The following GPT variants were observed in gnomAD, a reference collection of about 807,000 sequenced individuals.
The protein encoded by GPT is glutamic--pyruvic transaminase, also known as alanine aminotransferase 1.
A neutral mutation model predicts 51.4 loss-of-function variants in GPT; 60 were observed. The observed-to-expected ratio is 1.17, with a 90% CI of 0.95 to 1.45. The LOEUF is 1.45. Ranked by LOEUF, GPT falls within the 40% of genes most tolerant of loss-of-function variation. GPT has a pLI of 0.00. For synonymous variants in GPT, 397 were observed against 303.1 expected, an observed-to-expected ratio of 1.31 and a Z score of -3.22; for missense variants, 853 against 704.0, an observed-to-expected ratio of 1.21 and a Z score of -2.40.
chr8:144,507,028 G>A lies in GPT; in HGVS notation c.*28G>A, dbSNP rs372822089. On this transcript the variant is annotated 3_prime_UTR_variant, in exon 11 of 11. Transcript: ENST00000394955. Reference sequence around the variant, plus strand: ...ACCCCAGCTGGGGCCAGGCTGGGTCGCCCTGGACTGTGTGCTCAGGAGCCC... The same window carrying A: ...ACCCCAGCTGGGGCCAGGCTGGGTCACCCTGGACTGTGTGCTCAGGAGCCC... The A allele has an allele frequency of 2.3e-5, 34 of 1,451,072 alleles. No individual in the cohort carries two copies. The South Asian group carries it at 2.4e-4, about 10-fold the overall frequency. The allele number at this position is 1,451,072 out of a possible 1,614,324, so 89.9% of individuals were successfully genotyped here.
rs1564778586 is a variant in GPT, at chr8:144,506,302, CTGA to C, written c.1031_1033del (p.Met344del). ...TGCAGTGCAGCAGCAGATGCTGAAGCTGATGAGTGTGCGGCTGTGCCCGCCGGT... is the reference window on the plus strand; with the variant it reads ...TGCAGTGCAGCAGCAGATGCTGAAGCTGAGTGTGCGGCTGTGCCCGCCGGT... On this transcript the variant is annotated inframe_deletion, in exon 8 of 11. Coordinates refer to ENST00000394955, the MANE Select transcript of GPT (RefSeq NM_005309.3). This position sits in a 1 kb window ranked among gnomAD's most constrained non-coding sequence, Gnocchi z 7.0. The C allele has an allele frequency of 2.5e-6, 4 of 1,590,590 alleles. No homozygotes were observed. Among genetic ancestry groups the C allele is most frequent in the Non-Finnish European group, 3.4e-6 (4 of 1,171,460 alleles).
Position 144,506,501 on chromosome 8 carries a change from G to A in GPT, c.1132G>A (p.Glu378Lys), listed in dbSNP as rs1452225865. Reference sequence around the variant, plus strand: ...ATGGGCCCTCCCTCCGCGGCCACAGGAGAAGCAGGCAGTGCTGGCAGAGCT... The same window carrying A: ...ATGGGCCCTCCCTCCGCGGCCACAGAAGAAGCAGGCAGTGCTGGCAGAGCT... ...TDPSFAQFQAEKQAVLAELAA... is the reference protein window; with the variant it reads ...TDPSFAQFQAKKQAVLAELAA... The change falls in exon 9 of 11, where the codon GAG (glutamate) becomes AAG (lysine). Residue 378 changes from glutamate to lysine, a missense_variant and splice_region_variant. Transcript: ENST00000394955. The surrounding 1 kb of genome is among the most constrained non-coding windows in gnomAD (Gnocchi z 7.0). The A allele has an allele frequency of 6.3e-7, 1 of 1,596,744 alleles. No homozygotes were observed. The highest frequency in any genetic ancestry group is 2.3e-5 in the East Asian group (1 of 44,210).
Position 144,504,481 on chromosome 8 carries a change from C to T in GPT, c.162+15C>T, listed in dbSNP as rs1273747414. On this transcript the variant is annotated intron_variant, in intron 1 of 10. Transcript: ENST00000394955. ...AGCTGCGCCAGGTATGGCCCAGGGC[C>T]CCTCGCTGCCCTCCAGGTCACAATG... 1 of 1,606,966 alleles carries T rather than the reference C, an allele frequency of 6.2e-7. No individual in the cohort carries two copies. Among genetic ancestry groups the T allele is most frequent in the Admixed American group, 1.7e-5 (1 of 59,314 alleles).
In GPT at chr8:144,506,715, G is replaced by A. The variant is rs369157167; in HGVS notation, c.1288-16G>A. The A allele has an allele frequency of 6.2e-6, 10 of 1,608,914 alleles. No homozygotes were observed. Among genetic ancestry groups the A allele is most frequent in the East Asian group, 2.2e-5 (1 of 44,822 alleles). On this transcript the variant is annotated splice_polypyrimidine_tract_variant and intron_variant, in intron 9 of 10. Transcript: ENST00000394955. The surrounding 1 kb of genome is among the most constrained non-coding windows in gnomAD (Gnocchi z 7.0). ...GGGGGGCCGGGCATCCCTCTCTGACGGCTCTCCGTCCACAGGAGCTGGGCC... is the reference window on the plus strand; with the variant it reads ...GGGGGGCCGGGCATCCCTCTCTGACAGCTCTCCGTCCACAGGAGCTGGGCC...
In GPT at chr8:144,506,117, G is replaced by C. The variant is rs1177662807; in HGVS notation, c.942G>C (p.Lys314Asn). 2 of 1,612,130 alleles carry C rather than the reference G, an allele frequency of 1.2e-6. No individual in the cohort carries two copies. The highest frequency in any genetic ancestry group is 3.3e-5 in the Admixed American group (2 of 59,996). ...QELASFHSTSKGYMGECGFRG... is the reference protein window; with the variant it reads ...QELASFHSTSNGYMGECGFRG... ...TTGCCTCCTTCCACTCCACCTCCAA[G>C]GGCTACATGGGCGAGTGCGTGCGTA... Residue 314 changes from lysine (K) to asparagine (N), a missense_variant, in exon 7 of 11, where the codon AAG becomes AAC. By Grantham distance (94) the Lys-to-Asn change is moderately conservative. Coordinates refer to ENST00000394955, the MANE Select transcript of GPT (RefSeq NM_005309.3). This position sits in a 1 kb window ranked among gnomAD's most constrained non-coding sequence, Gnocchi z 7.0.
intron 2 of GPT, 30 bp downstream of exon 2, chr8:144,504,723 C>T (rs752377348): frequency 4.3e-6 from 7 of 1,612,236 alleles, no homozygotes; most frequent in Non-Finnish European, 5.9e-6. Flanking sequence ...CGGAGCACCC[C>T]CCCACCCCCA....
chr8:144,504,463 C>T lies in GPT; in HGVS notation c.159C>T (p.Arg53=). The change falls in exon 1 of 11, where the codon CGC becomes CGT. Residue 53 remains arginine, a synonymous_variant. Coordinates refer to ENST00000394955, the MANE Select transcript of GPT (RefSeq NM_005309.3). The part of the protein sequence containing the change: ...QRALELEQEL[R]QGVKKPFTEV... The stretch of plus-strand genomic sequence containing the variant: ...CCTTGGAGCTGGAGCAGGAGCTGCG[C>T]CAGGTATGGCCCAGGGCCCCTCGCT... 1 of 1,609,428 alleles carries T rather than the reference C, an allele frequency of 6.2e-7. No homozygotes were observed. The highest frequency in any genetic ancestry group is 8.5e-7 in the Non-Finnish European group (1 of 1,179,532).
Position 144,504,899 on chromosome 8 carries a change from G to A in GPT, c.361+20G>A, listed in dbSNP as rs1826708867. On this transcript the variant is annotated intron_variant, in intron 3 of 10. Coordinates refer to ENST00000394955, the MANE Select transcript of GPT (RefSeq NM_005309.3). ...GTCTGGGTGAGAGCCAGGGCCAGGA[G>A]GAAGCAGAGGGCCGCCCTGCCACTG... 6.2e-7 allele frequency: 1 copy of A among 1,612,840 alleles called. No individual in the cohort carries two copies. The highest frequency in any genetic ancestry group is 1.7e-5 in the Admixed American group (1 of 60,030).
chr8:144,504,543 G>C, intron 1 of GPT, 61 bp from the exon 2 acceptor site: 1 of 1,609,618 alleles, frequency 6.2e-7, no homozygotes, highest in Admixed American at 1.7e-5. Context: ...CTGGCACATG[G>C]GACAAGGGCT....
upstream of GPT, chr8:144,503,112 CAG>C (rs1382275714): frequency 1.3e-5 from 2 of 152,400 alleles, no homozygotes; most frequent in Non-Finnish European, 2.9e-5. Flanking sequence ...GGCAGCGGAA[CAG>C]AGACGTGCAC....
At position 144,505,031 on chromosome 8, in the gene GPT, TC is replaced by T. The variant is rs1475879652; in HGVS notation, c.397del (p.Arg133GlyfsTer33). On this transcript the variant is annotated frameshift_variant, in exon 4 of 11. Transcript: ENST00000394955. LOFTEE classifies it high-confidence loss of function. ...AGCGTCAGCTCCGGCATCCAGCTGATCCGGGAGGACGTGGCGCGGTACATTG... is the reference window on the plus strand; with the variant it reads ...AGCGTCAGCTCCGGCATCCAGCTGATCGGGAGGACGTGGCGCGGTACATTG... ...AYSVSSGIQL[I>X]REDVARYIER... The T allele has an allele frequency of 5.6e-6, 9 of 1,613,110 alleles. No homozygotes were observed. Among genetic ancestry groups the T allele is most frequent in the Admixed American group, 1.7e-5 (1 of 60,018 alleles).
chr8:144,505,967 G>T (rs751595181), intron 6 of GPT, 28 bp from the exon 7 acceptor site: 6 of 1,611,980 alleles, frequency 3.7e-6, no homozygotes, highest in Admixed American at 1.7e-5. Context: ...GCAACAGTCC[G>T]CCCCCGTGAC....
In GPT at chr8:144,506,854, G is replaced by T; in HGVS notation, c.1400+11G>T. The T allele has an allele frequency of 6.2e-7, 1 of 1,612,446 alleles. No individual in the cohort carries two copies. Among genetic ancestry groups the T allele is most frequent in the Non-Finnish European group, 8.5e-7 (1 of 1,179,602 alleles). The stretch of plus-strand genomic sequence containing the variant: ...CACCTACCACTTCCGGTGAGGCCTG[G>T]CCCTCACTCCCTGTCCCGCCACCCT... On this transcript the variant is annotated intron_variant, in intron 10 of 10. Transcript: ENST00000394955. This position sits in a 1 kb window ranked among gnomAD's most constrained non-coding sequence, Gnocchi z 7.0.
rs1478625469 is a variant in GPT at position 144,506,978 on chromosome 8, A to G, written c.1469A>G (p.Lys490Arg). 6.2e-7 allele frequency: 1 copy of G among 1,612,346 alleles called. No homozygotes were observed. The highest frequency in any genetic ancestry group is 8.5e-7 in the Non-Finnish European group (1 of 1,179,810). Residue 490 changes from lysine to arginine, a missense_variant, in exon 11 of 11, where the codon AAG (lysine) becomes AGG (arginine). Physicochemically the swap from Lys to Arg is conservative, Grantham distance 26 (BLOSUM62 2). Coordinates refer to ENST00000394955, the MANE Select transcript of GPT (RefSeq NM_005309.3). The surrounding 1 kb of genome is among the most constrained non-coding windows in gnomAD (Gnocchi z 7.0). ...LLEKLSRFHA[K>R]FTLEYS Reference sequence around the variant, plus strand: ...GAGAAGCTGAGCAGGTTCCATGCCAAGTTCACCCTCGAGTACTCCTGAGCA... The same window carrying G: ...GAGAAGCTGAGCAGGTTCCATGCCAGGTTCACCCTCGAGTACTCCTGAGCA...
chr8:144,506,052 C>T lies in GPT; in HGVS notation c.877C>T (p.Leu293Phe). 1 of 1,612,432 alleles carries T rather than the reference C, an allele frequency of 6.2e-7. No individual in the cohort carries two copies. The highest frequency in any genetic ancestry group is 8.5e-7 in the Non-Finnish European group (1 of 1,179,720). ...GSQFHSFKKVLMEMGPPYAGQ... is the reference protein window; with the variant it reads ...GSQFHSFKKVFMEMGPPYAGQ... ...GCAGTTCCACTCATTCAAGAAGGTG[C>T]TCATGGAGATGGGGCCGCCCTACGC... The change falls in exon 7 of 11, where the codon CTC (leucine) becomes TTC (phenylalanine). Residue 293 changes from leucine to phenylalanine, a missense_variant. Physicochemically the swap from Leu to Phe is conservative, Grantham distance 22 (BLOSUM62 0). Coordinates refer to ENST00000394955, the MANE Select transcript of GPT (RefSeq NM_005309.3). The surrounding 1 kb of genome is among the most constrained non-coding windows in gnomAD (Gnocchi z 7.0).
At position 144,506,105 on chromosome 8, in the gene GPT, C is replaced by T. The variant is rs745652946; in HGVS notation, c.930C>T (p.His310=). Reference sequence around the variant, plus strand: ...GGCAGCAGGAGCTTGCCTCCTTCCACTCCACCTCCAAGGGCTACATGGGCG... The same window carrying T: ...GGCAGCAGGAGCTTGCCTCCTTCCATTCCACCTCCAAGGGCTACATGGGCG... ...YAGQQELASF[H]STSKGYMGEC... is the part of the protein sequence containing the mutation. Residue 310 remains histidine, a synonymous_variant, in exon 7 of 11, where the codon CAC becomes CAT. Transcript: ENST00000394955. The surrounding 1 kb of genome is among the most constrained non-coding windows in gnomAD (Gnocchi z 7.0). 1.9e-6 allele frequency: 3 copies of T among 1,612,326 alleles called. No homozygotes were observed. The highest frequency in any genetic ancestry group is 2.5e-6 in the Non-Finnish European group (3 of 1,179,660).
chr8:144,505,935 G>C lies in GPT; in HGVS notation c.819+8G>C, dbSNP rs780704292. The C allele has an allele frequency of 5.6e-6, 9 of 1,610,600 alleles. No individual in the cohort carries two copies. Among genetic ancestry groups the C allele is most frequent in the South Asian group, 5.5e-5 (5 of 90,946 alleles). On this transcript the variant is annotated splice_region_variant and intron_variant, in intron 6 of 10. Transcript: ENST00000394955. ...TTTCTGCTGGCGGACGAGGTGCGCG[G>C]CGCGGGGGAGCGGGAAGCCGGGCAA...
rs754982986 is a variant in GPT, at chr8:144,505,487, C to T, written c.737C>T (p.Thr246Ile). The T allele has an allele frequency of 5.3e-5, 83 of 1,568,316 alleles. No individual in the cohort carries two copies. The South Asian group carries it at 9.0e-4, about 17-fold the overall frequency. The change falls in exon 5 of 11, where the codon ACC becomes ATC. Residue 246 changes from threonine to isoleucine, a missense_variant and splice_region_variant. Transcript: ENST00000394955. ...ALCVINPGNP[T>I]GQVQTRECIE... The stretch of plus-strand genomic sequence containing the variant: ...TGTGTCATCAACCCTGGCAACCCCA[C>T]CGGTGCGTTCCCCGCCGCCCCGCCC...
At position 144,507,114 on chromosome 8, in the gene GPT, G is replaced by GGGGCC; in HGVS notation, c.*114_*115insGGGCC. 2 of 498,332 alleles carry GGGGCC rather than the reference G, an allele frequency of 4.0e-6. No homozygotes were observed. The highest frequency in any genetic ancestry group is 7.9e-6 in the Non-Finnish European group (2 of 254,518). The allele number at this position is 498,332 out of a possible 1,614,324, so 30.9% of individuals were successfully genotyped here. On this transcript the variant is annotated 3_prime_UTR_variant, in exon 11 of 11. Coordinates refer to ENST00000394955, the MANE Select transcript of GPT (RefSeq NM_005309.3). ...TGCCTGGCGGGGTGGGGTGGGGGGG[G>GGGGCC]TGCTGGGCCCCTGCCTCTCTGCAGG...
Sources: allele counts gnomAD v4.1 joint callset, GRCh38; gene constraint gnomAD v4.1.1; non-coding constraint Gnocchi (gnomAD v3.1); transcripts MANE v1.5; gene names NCBI Gene and HGNC (gene_info 2026-07-23, HGNC 2026-07-21).